Variants in ZNF578 observed in about 807,000 individuals in gnomAD.
The protein encoded by ZNF578 is Putative chemokine-related protein B42.
A neutral mutation model predicts 8.3 loss-of-function variants in ZNF578; 8 were observed. The ratio of observed to expected loss-of-function variants is 0.96; its 90% CI spans 0.56 to 1.74. The LOEUF (loss-of-function observed/expected upper bound fraction) is 1.74. ZNF578 is among the 40% of genes most tolerant of loss of function. The pLI, the probability that ZNF578 is intolerant of heterozygous loss-of-function variation, is 0.00. For synonymous variants in ZNF578, 206 were observed against 232.2 expected (o/e 0.89, Z 1.03); for missense variants, 726 against 707.5 (o/e 1.03, Z -0.30).
Position 52,459,765 on chromosome 19 carries a change from A to AT in ZNF578, c.-122+2808dup, listed in dbSNP as rs1198856912. Among the ~76,000 whole-genome samples, 21 of 7,390 alleles carry AT rather than the reference A, an allele frequency of 2.8e-3. 3 individuals carry two copies. Among genetic ancestry groups the AT allele is most frequent in the African/African-American group, 4.2e-3 (14 of 3,342 alleles). 4.8% of individuals were successfully genotyped at this position (7,390 alleles called of 152,430 possible). A position where few individuals can be genotyped will look rare whatever the true frequency, so the allele number is the denominator to read the frequency against. ...TGTGTGTGTGTGTATATATATATAT[A>AT]TATATTTTTTTTTTTTTTTTTTTTT... On this transcript the variant is annotated intron_variant, in intron 2 of 5. Coordinates refer to ENST00000421239, the MANE Select transcript of ZNF578 (RefSeq NM_001099694.2).
chr19:52,492,157 C>CAAAAAAAAAAAAAAAAAAAA (rs869249180), intron 3 of ZNF578, among the ~76,000 whole-genome samples: 1 of 67,638 alleles, frequency 1.5e-5, no homozygotes, highest in Non-Finnish European at 2.8e-5. Context: ...GATTCTGTCT[C>CAAAAAAAAAAAAAAAAAAAA]AAAAAAAAAA....
In ZNF578 at chr19:52,510,759, A is replaced by G; in HGVS notation, c.378A>G (p.Glu126=). The G allele has an allele frequency of 1.2e-6, 2 of 1,613,198 alleles. No individual in the cohort carries two copies. Among genetic ancestry groups the G allele is most frequent in the East Asian group, 2.2e-5 (1 of 44,868 alleles). Residue 126 remains glutamate, a synonymous_variant, in exon 6 of 6, where the codon GAA becomes GAG. Coordinates refer to ENST00000421239, the MANE Select transcript of ZNF578 (RefSeq NM_001099694.2). ...AAAAAGATGAAAGAAATGGCCATGAAGCATCCATGCCAAAAATCAAAGAGT... is the reference window on the plus strand; with the variant it reads ...AAAAAGATGAAAGAAATGGCCATGAGGCATCCATGCCAAAAATCAAAGAGT... ...QSQKDERNGH[E]ASMPKIKELM...
chr19:52,510,664 A>C lies in ZNF578; in HGVS notation c.283A>C (p.Ser95Arg). 1 of 1,613,008 alleles carries C rather than the reference A, an allele frequency of 6.2e-7. No homozygotes were observed. The highest frequency in any genetic ancestry group is 8.5e-7 in the Non-Finnish European group (1 of 1,179,558). ...IHTGMLQRHE[S>R]YHTGDFCFQE... ...CACAGGGATGTTGCAAAGACATGAA[A>C]GTTATCACACTGGAGATTTTTGCTT... Residue 95 changes from serine (S) to arginine (R), a missense_variant, in exon 6 of 6, where the codon AGT (serine) becomes CGT (arginine). By Grantham distance (110) the Ser-to-Arg change is moderately radical (BLOSUM62 -1). Transcript: ENST00000421239.
intron 2 of ZNF578, among the ~76,000 whole-genome samples, chr19:52,487,999 G>A (rs2059351675): frequency 6.6e-6 from 1 of 150,872 alleles, no homozygotes; most frequent in Admixed American, 6.6e-5. Flanking sequence ...TTGTTGCCCA[G>A]GCTGGAGTGC....
intron 2 of ZNF578, among the ~76,000 whole-genome samples, chr19:52,489,594 TTAAA>T (rs932806282): frequency 2.0e-5 from 3 of 151,740 alleles, no homozygotes; most frequent in East Asian, 1.9e-4. Flanking sequence ...GTCTCAAAAA[TTAAA>T]TAAATAAATA....
intron 2 of ZNF578, among the ~76,000 whole-genome samples, chr19:52,468,918 T>G (rs2059283528): frequency 6.6e-6 from 1 of 152,160 alleles, no homozygotes; most frequent in Admixed American, 6.5e-5. Flanking sequence ...ATCTCGAGCC[T>G]TTGGTCACAG....
chr19:52,489,411 GAAACCTCGTCTCTATAAAACTACA>G (rs893846919), intron 2 of ZNF578, among the ~76,000 whole-genome samples: 1 of 151,588 alleles, frequency 6.6e-6, no homozygotes, highest in African/African-American at 2.4e-5. Context: ...CCAATATAGA[GAAACCTCGTCTCTATAAAACTACA>G]AAATTAGCTG....
intron 5 of ZNF578, among the ~76,000 whole-genome samples, chr19:52,506,965 T>G (rs1310587481): frequency 6.6e-6 from 1 of 152,206 alleles, no homozygotes; most frequent in Non-Finnish European, 1.5e-5. Flanking sequence ...AGAAATAGCT[T>G]AGACTGGCCA....
At chr19:52,503,890 C>T (rs1157580976) in intron 4 of ZNF578, among the ~76,000 whole-genome samples, 3 of 151,380 alleles carry the variant, frequency 2.0e-5, no homozygotes, top group Non-Finnish European at 4.4e-5. Context: ...CTCCGCCTCC[C>T]GGATTCAAGC....
intron 2 of ZNF578, among the ~76,000 whole-genome samples, chr19:52,487,000 T>G: frequency 4.9e-5 from 7 of 143,242 alleles, no homozygotes; most frequent in South Asian, 2.2e-4. Flanking sequence ...AAGGGGAGAA[T>G]GAGAGAGATA....
rs2059460358 is a variant in ZNF578, at chr19:52,513,715, G to A, written c.*1561G>A. On this transcript the variant is annotated 3_prime_UTR_variant, in exon 6 of 6. Coordinates refer to ENST00000421239, the MANE Select transcript of ZNF578 (RefSeq NM_001099694.2). ...ACTGCACTCCAGGCTGGGCGACAGA[G>A]TGAGAGTCTGTCTCAAAAAAAAAAA... 1.5e-5 allele frequency among the ~76,000 whole-genome samples: 2 copies of A among 135,420 alleles called. No individual in the cohort carries two copies. Among genetic ancestry groups the A allele is most frequent in the Non-Finnish European group, 3.1e-5 (2 of 64,134 alleles). The allele number at this position is 135,420 out of a possible 152,430, so 88.8% of individuals were successfully genotyped here.
Position 52,511,153 on chromosome 19 carries a change from C to A in ZNF578, c.772C>A (p.Gln258Lys). 1.2e-6 allele frequency: 2 copies of A among 1,614,154 alleles called. No homozygotes were observed. Among genetic ancestry groups the A allele is most frequent in the Non-Finnish European group, 8.5e-7 (1 of 1,179,984 alleles). The change falls in exon 6 of 6, where the codon CAA becomes AAA. Residue 258 changes from glutamine (Q) to lysine (K), a missense_variant. Coordinates refer to ENST00000421239, the MANE Select transcript of ZNF578 (RefSeq NM_001099694.2). The part of the protein sequence containing the change: ...KHQIIHLGEK[Q>K]YKFDICGKVF... ...TCAGATAATCCATTTAGGAGAAAAA[C>A]AATATAAATTTGATATATGTGGCAA...
chr19:52,459,767 A>ATTTTTTTTTT (rs1177924530), intron 2 of ZNF578, among the ~76,000 whole-genome samples: 1 of 6,018 alleles, frequency 1.7e-4, no homozygotes, highest in African/African-American at 2.8e-4. Context: ...ATATATATAT[A>ATTTTTTTTTT]TATTTTTTTT....
At chr19:52,500,396 CTT>C (rs1406434626) in intron 3 of ZNF578, among the ~76,000 whole-genome samples, 4 of 139,986 alleles carry the variant, frequency 2.9e-5, no homozygotes, top group Non-Finnish European at 6.1e-5. Flanking sequence ...TGGTTGCAAT[CTT>C]TTGAGTTTCC....
rs1445350495 is a variant in ZNF578, at chr19:52,512,480, A to C, written c.*326A>C. 1.9e-5 allele frequency: 24 copies of C among 1,263,156 alleles called. No individual in the cohort carries two copies. The highest frequency in any genetic ancestry group is 2.6e-5 in the Non-Finnish European group (23 of 880,832). 78.2% of individuals were successfully genotyped at this position (1,263,156 alleles called of 1,614,324 possible). The stretch of plus-strand genomic sequence containing the variant: ...AGACATCGTTCATACCTTGCAGTTC[A>C]TCAGTGAACTCATACTGGAGAGAAA... On this transcript the variant is annotated 3_prime_UTR_variant, in exon 6 of 6. Transcript: ENST00000421239.
intron 5 of ZNF578, among the ~76,000 whole-genome samples, 169 bp downstream of exon 5, chr19:52,504,950 GTA>G (rs2059420377): frequency 6.6e-6 from 1 of 152,166 alleles, no homozygotes; most frequent in African/African-American, 2.4e-5. Context: ...GAGAGCAATG[GTA>G]TATCGGCTCA....
At chr19:52,506,676 T>C (rs2059426765) in intron 5 of ZNF578, among the ~76,000 whole-genome samples, 1 of 152,148 alleles carries the variant, frequency 6.6e-6, no homozygotes, top group Admixed American at 6.6e-5. Context: ...TTCACCATAC[T>C]GTCCTGGCTG....
intron 4 of ZNF578, among the ~76,000 whole-genome samples, chr19:52,502,472 C>T (rs1452880474): frequency 1.3e-5 from 2 of 152,162 alleles, no homozygotes; most frequent in African/African-American, 4.8e-5. Flanking sequence ...TGGGATGGCT[C>T]ACACTTGTAA....
At chr19:52,505,789 T>C (rs547694477) in intron 5 of ZNF578, among the ~76,000 whole-genome samples, 7 of 152,250 alleles carry the variant, frequency 4.6e-5, no homozygotes, top group East Asian at 3.9e-4. Context: ...GTAAGAGATA[T>C]GGTTTTCATC....
Sources: gnomAD v4.1 joint callset for allele counts (sites outside exome capture counted in the v4.1 genomes callset) on GRCh38, gnomAD v4.1.1 for gene constraint, MANE v1.5 for transcripts, NCBI Gene and HGNC (gene_info 2026-07-23, HGNC 2026-07-21) for gene names.